PRH1: variants seen among roughly 807,000 people sequenced by gnomAD.
The protein encoded by PRH1 is salivary acidic proline-rich phosphoprotein 1/2.
Under a neutral mutation model 7.9 loss-of-function variants are expected in PRH1, and 7 were observed. The observed-to-expected ratio is 0.89, with a 90% CI of 0.50 to 1.67. PRH1 has a LOEUF of 1.67. PRH1 is among the 40% of genes most tolerant of loss of function. The pLI is 0.00. For synonymous variants in PRH1, 45 were observed against 80.8 expected (o/e 0.56, Z 2.38); for missense variants, 109 against 223.6 (o/e 0.49, Z 3.27).
At chr12:10,991,364 T>C (rs1939923095) in intron 1 of PRH1, among the ~76,000 whole-genome samples, 2 of 152,148 alleles carry the variant, frequency 1.3e-5, no homozygotes, top group African/African-American at 4.8e-5. Context: ...CTTACTTATA[T>C]CATTTTTTTC....
At chr12:11,098,984 A>T (rs971131196) in intron 1 of PRH1, among the ~76,000 whole-genome samples, 1 of 152,166 alleles carries the variant, frequency 6.6e-6, no homozygotes, top group African/African-American at 2.4e-5. Context: ...TTTATCAAAC[A>T]TATCTCTAAT....
At chr12:10,975,312 A>G (rs753132137) in intron 1 of PRH1, among the ~76,000 whole-genome samples, 4 of 152,198 alleles carry the variant, frequency 2.6e-5, no homozygotes, top group Non-Finnish European at 2.9e-5. Flanking sequence ...AGAATTTCGT[A>G]TCCACCCAAA....
intron 2 of PRH1, chr12:10,909,010 G>A (rs1949852698): frequency 2.5e-6 from 4 of 1,613,606 alleles, no homozygotes; most frequent in Non-Finnish European, 3.4e-6. Context: ...GCAAGCCAGA[G>A]ATTGAAGTGA....
chr12:11,003,824 A>T (rs2136025172), intron 1 of PRH1, among the ~76,000 whole-genome samples: 1 of 151,794 alleles, frequency 6.6e-6, no homozygotes, highest in African/African-American at 2.4e-5. Flanking sequence ...TATCCATGTA[A>T]ATCAAATTTA....
rs1182220090 is a variant in PRH1, at chr12:11,021,850, T to G, written c.-126+25170A>C. The G allele has an allele frequency of 2.5e-6, 4 of 1,614,140 alleles. No individual in the cohort carries two copies. The African/African-American group carries it at 5.3e-5, about 22-fold the overall frequency. ...AGTTGATGTGATTATACACAGAAAG[T>G]AAATGGCAAATAACATGAGGAAGGA... is the stretch of plus-strand genomic sequence containing the variant. On this transcript the variant is annotated intron_variant, in intron 1 of 3. Coordinates refer to the PRH1 transcript ENST00000539853.
At chr12:10,894,294 G>C (rs1949615327) in intron 2 of PRH1, among the ~76,000 whole-genome samples, 1 of 150,748 alleles carries the variant, frequency 6.6e-6, no homozygotes, top group Admixed American at 6.6e-5. Flanking sequence ...GTCTGTTGTA[G>C]ATGGTCAAGA....
chr12:10,945,261 T>C (rs1047578842), intron 2 of PRH1, among the ~76,000 whole-genome samples: 1 of 152,158 alleles, frequency 6.6e-6, no homozygotes, highest in African/African-American at 2.4e-5. Flanking sequence ...AGGGAACAAA[T>C]TTCTTCCTGG....
rs527692277 is a variant in PRH1 at position 11,058,607 on chromosome 12, G to C, written n.124-11419C>G. ...TCAAATGGAGCCCAGAACAAAAGAG[G>C]GCTCTACAGCAGATATAGGTTCTGA... On this transcript the variant is annotated intron_variant and non_coding_transcript_variant, in intron 1 of 4. Coordinates refer to the PRH1 transcript ENST00000541977. Among the ~76,000 whole-genome samples the C allele has an allele frequency of 5.2e-5, 8 of 152,398 alleles. No individual in the cohort carries two copies. In the South Asian group the frequency reaches 1.7e-3, roughly 32 times the overall value.
chr12:10,978,402 AC>A (rs1245343938), intron 1 of PRH1, among the ~76,000 whole-genome samples: 1 of 152,208 alleles, frequency 6.6e-6, no homozygotes, highest in East Asian at 1.9e-4. Context: ...TAATACATAT[AC>A]AAAAATCAAA....
At chr12:11,170,118 G>C (rs7304511) in intron 1 of PRH1, among the ~76,000 whole-genome samples, 6,045 of 152,282 alleles carry the variant, frequency 0.04, 396 homozygotes, top group African/African-American at 0.14. Flanking sequence ...AAGACGGTGT[G>C]TGCGATTAAA....
chr12:11,153,696 T>C (rs1408902430), intron 1 of PRH1, among the ~76,000 whole-genome samples: 5 of 152,134 alleles, frequency 3.3e-5, no homozygotes. Context: ...TTTAAATATA[T>C]GATAACACTC....
chr12:11,154,173 A>C (rs982691174), intron 1 of PRH1, among the ~76,000 whole-genome samples: 3 of 152,228 alleles, frequency 2.0e-5, no homozygotes, highest in African/African-American at 7.2e-5. Flanking sequence ...ATACAATCAA[A>C]CAATGCCAAA....
chr12:11,062,112 T>A, intron 1 of PRH1: 1 of 1,613,626 alleles, frequency 6.2e-7, no homozygotes, highest in Non-Finnish European at 8.5e-7. Flanking sequence ...TTAATACTAA[T>A]ACCCAGAGTA....
At chr12:11,014,136 G>A (rs11054165) in intron 1 of PRH1, among the ~76,000 whole-genome samples, 4 of 140,158 alleles carry the variant, frequency 2.9e-5, no homozygotes, top group Non-Finnish European at 4.8e-5. Flanking sequence ...TGGATAATCA[G>A]CCTTATTCCT....
intron 1 of PRH1, among the ~76,000 whole-genome samples, chr12:11,113,870 A>G (rs1945658547): frequency 6.6e-6 from 1 of 152,212 alleles, no homozygotes; most frequent in Admixed American, 6.5e-5. Flanking sequence ...TTCTCAAAAG[A>G]AGACATTTAT....
At chr12:10,969,945 C>T (rs1378879108) in intron 2 of PRH1, among the ~76,000 whole-genome samples, 2 of 152,120 alleles carry the variant, frequency 1.3e-5, no homozygotes, top group Non-Finnish European at 2.9e-5. Context: ...GGATTAAAGG[C>T]ATCCACCACC....
rs1407642798 is a variant in PRH1, at chr12:11,064,277, GTTC to G, written n.124-17092_124-17090del. Reference sequence around the variant, plus strand: ...ACTGCGTGTAGGTGCAATCCTACATGTTCTTCTTGTTTGTGGCTTCTTGGACTC... The same window carrying G: ...ACTGCGTGTAGGTGCAATCCTACATGTTCTTGTTTGTGGCTTCTTGGACTC... On this transcript the variant is annotated intron_variant and non_coding_transcript_variant, in intron 1 of 4. Transcript: ENST00000541977. Among the ~76,000 whole-genome samples, 8 of 152,304 alleles carry G rather than the reference GTTC, an allele frequency of 5.3e-5. No individual in the cohort carries two copies. The East Asian group carries it at 9.6e-4, about 18-fold the overall frequency.
intron 3 of PRH1, among the ~76,000 whole-genome samples, chr12:10,881,761 T>C (rs1380360888): frequency 6.6e-6 from 1 of 152,202 alleles, no homozygotes; most frequent in African/African-American, 2.4e-5. Context: ...TAAGCATGTA[T>C]GACTTTAAAT....
intron 1 of PRH1, among the ~76,000 whole-genome samples, chr12:11,170,125 T>TA (rs1947773464): frequency 6.6e-6 from 1 of 152,196 alleles, no homozygotes; most frequent in African/African-American, 2.4e-5. Flanking sequence ...TGTGTGCGAT[T>TA]AAAAAATACA....
Sources: allele counts gnomAD v4.1 joint callset (sites outside exome capture counted in the v4.1 genomes callset), GRCh38; gene constraint gnomAD v4.1.1; transcripts MANE v1.5; gene names NCBI Gene and HGNC (gene_info 2026-07-23, HGNC 2026-07-21).